ZNF600: variants seen among roughly 807,000 people sequenced by gnomAD.
ZNF600 encodes zinc finger protein 600.
ZNF600 carries 4 observed loss-of-function variants against 7.3 expected under a neutral mutation model. The ratio of observed to expected loss-of-function variants is 0.55; its 90% CI spans 0.27 to 1.25. The LOEUF (loss-of-function observed/expected upper bound fraction) is 1.25, where lower values mean the gene tolerates loss of function less well. Ranked by LOEUF, ZNF600 falls within the 50% of genes most tolerant of loss-of-function variation. ZNF600 has a pLI of 0.12. For missense variants in ZNF600, 911 were observed against 922.1 expected (o/e 0.99, Z 0.16); for synonymous variants, 290 against 308.9 (o/e 0.94, Z 0.64).
chr19:52,810,099 A>C, the ZNF600 span: 1 of 789,680 alleles, frequency 1.3e-6, no homozygotes, highest in Non-Finnish European at 2.2e-6. Context: ...AGCCACCGGC[A>C]GCCAAGAGGA....
At chr19:52,769,326 C>T (rs895931042) in intron 3 of ZNF600, among the ~76,000 whole-genome samples, 53 of 152,266 alleles carry the variant, frequency 3.5e-4, no homozygotes, top group African/African-American at 1.2e-3. Context: ...CTTCGTGTTC[C>T]GTCCTGTACA....
At chr19:52,795,758 G>A in the ZNF600 span, among the ~76,000 whole-genome samples, 2 of 152,036 alleles carry the variant, frequency 1.3e-5, no homozygotes, top group Non-Finnish European at 2.9e-5. Flanking sequence ...TCAAGACGAG[G>A]ATTCACCATG....
Position 52,765,687 on chromosome 19 carries a change from C to T in ZNF600, c.2276G>A (p.Gly759Glu), listed in dbSNP as rs762671739. Residue 759 changes from glycine (G) to glutamate (E), a missense_variant, in exon 4 of 4, where the codon GGA (glycine) becomes GAA (glutamate). Coordinates refer to ENST00000648973, the Ensembl canonical transcript of ZNF600. ...CTCATTACACTTGTAAGGTTTCTCT[C>T]CAGTGTGAAGTCCAGTATGTTGTTT... The T allele has an allele frequency of 6.8e-6, 11 of 1,613,754 alleles. No homozygotes were observed. In the South Asian group the frequency reaches 1.2e-4, roughly 18 times the overall value.
intron 3 of ZNF600, among the ~76,000 whole-genome samples, chr19:52,770,115 G>C (rs993082638): frequency 5.9e-5 from 9 of 152,102 alleles, no homozygotes; most frequent in African/African-American, 2.2e-4. Context: ...TCATGTATGA[G>C]GTCAAGAAAA....
the ZNF600 span, among the ~76,000 whole-genome samples, chr19:52,831,139 TAC>T: frequency 3.7e-4 from 56 of 152,068 alleles, no homozygotes; most frequent in African/African-American, 1.3e-3. Flanking sequence ...CAGAATTTCA[TAC>T]ACACACACAA....
intron 3 of ZNF600, among the ~76,000 whole-genome samples, chr19:52,773,453 T>C (rs148302173): frequency 8.7e-4 from 133 of 152,268 alleles, no homozygotes; most frequent in Non-Finnish European, 1.4e-3. Flanking sequence ...ATCCCCTGTG[T>C]AGATTCCAGA....
the ZNF600 span, among the ~76,000 whole-genome samples, chr19:52,796,428 ATTCT>A: frequency 6.6e-6 from 1 of 152,208 alleles, no homozygotes; most frequent in Non-Finnish European, 1.5e-5. Context: ...AAATGATCAC[ATTCT>A]TTGAGTCTTT....
At position 52,772,474 on chromosome 19, in the gene ZNF600, A is replaced by T. The variant is rs535235473; in HGVS notation, c.190+2101T>A. Among the ~76,000 whole-genome samples the T allele has an allele frequency of 2.0e-5, 3 of 152,108 alleles. No individual in the cohort carries two copies. In the South Asian group the frequency reaches 6.2e-4, roughly 32 times the overall value. On this transcript the variant is annotated intron_variant, in intron 3 of 3. Coordinates refer to ENST00000648973, the Ensembl canonical transcript of ZNF600. ...AAAAATTAGCCAGGCGTGGTGGTGCATGCCTGTAATCCCAGCTACTTGGGA... is the reference window on the plus strand; with the variant it reads ...AAAAATTAGCCAGGCGTGGTGGTGCTTGCCTGTAATCCCAGCTACTTGGGA...
chr19:52,801,657 T>C, the ZNF600 span: 2 of 1,612,712 alleles, frequency 1.2e-6, no homozygotes, highest in East Asian at 4.5e-5. Context: ...TGTATTGCCT[T>C]GCCCTGTTGA....
the ZNF600 span, chr19:52,800,874 C>T: frequency 1.2e-6 from 2 of 1,613,200 alleles, no homozygotes; most frequent in Non-Finnish European, 1.7e-6. Flanking sequence ...GTATGGTTTC[C>T]CTCCAGTATA....
At chr19:52,770,997 C>T (rs1342602267) in intron 3 of ZNF600, among the ~76,000 whole-genome samples, 2 of 152,078 alleles carry the variant, frequency 1.3e-5, no homozygotes, top group Non-Finnish European at 2.9e-5. Flanking sequence ...TCATGCCTGG[C>T]TCATTTTGTA....
At chr19:52,772,866 A>G (rs200376742) in intron 3 of ZNF600, among the ~76,000 whole-genome samples, 5,918 of 124,514 alleles carry the variant, frequency 0.048, 208 homozygotes, top group East Asian at 0.24. Flanking sequence ...GGATACAAGG[A>G]CTGAGCTGGG....
chr19:52,829,631 C>A, the ZNF600 span, among the ~76,000 whole-genome samples: 623 of 152,164 alleles, frequency 4.1e-3, 6 homozygotes, highest in African/African-American at 0.014. Context: ...GTCTCGGCCG[C>A]CCAAAGTACT....
chr19:52,817,911 A>T, the ZNF600 span: 1 of 1,609,976 alleles, frequency 6.2e-7, no homozygotes, highest in Non-Finnish European at 8.5e-7. Flanking sequence ...GAAAGGAAGG[A>T]GACAGAGCAA....
chr19:52,802,355 G>A, the ZNF600 span, among the ~76,000 whole-genome samples: 1 of 147,996 alleles, frequency 6.8e-6, no homozygotes, highest in Admixed American at 6.9e-5. Context: ...GTGACAAAAT[G>A]AGCCTCCATC....
chr19:52,818,117 C>T, the ZNF600 span: 1 of 1,333,864 alleles, frequency 7.5e-7, no homozygotes, highest in Non-Finnish European at 1.0e-6. Flanking sequence ...GGAGACTTCA[C>T]CTTGAGGAAA....
the ZNF600 span, among the ~76,000 whole-genome samples, chr19:52,832,344 C>T: frequency 1.3e-5 from 2 of 152,102 alleles, no homozygotes; most frequent in Non-Finnish European, 2.9e-5. Flanking sequence ...GCTTGTAATC[C>T]CAGCACTTTG....
chr19:52,788,077 T>C (rs1254036905), upstream of ZNF600, among the ~76,000 whole-genome samples: 1 of 151,946 alleles, frequency 6.6e-6, no homozygotes, highest in Non-Finnish European at 1.5e-5. Context: ...CACCTTGGGG[T>C]CCACACCCCA....
In ZNF600 at chr19:52,785,260, T is replaced by C. The variant is rs574458691; in HGVS notation, c.-20+1335A>G. On this transcript the variant is annotated intron_variant, in intron 1 of 3. Transcript: ENST00000648973. ...TATTTAACCTCTTTTTTTTTTTTCC[T>C]TTTTGAGATGGAGTTTCACTCTTGT... Among the ~76,000 whole-genome samples the C allele has an allele frequency of 2.6e-5, 4 of 151,786 alleles. No individual in the cohort carries two copies. The East Asian group carries it at 7.7e-4, about 29-fold the overall frequency.
Sources: allele counts gnomAD v4.1 joint callset (sites outside exome capture counted in the v4.1 genomes callset), GRCh38; gene constraint gnomAD v4.1.1; transcripts MANE v1.5; gene names NCBI Gene and HGNC (gene_info 2026-07-23, HGNC 2026-07-21).